The following CAMTA1 variants were observed in gnomAD, a reference collection of about 807,000 sequenced individuals.
CAMTA1 encodes the protein calmodulin-binding transcription activator 1.
In CAMTA1, 27 loss-of-function variants were observed where a neutral mutation model predicts 170.9. That is an observed-to-expected ratio of 0.16 (90% CI 0.12 to 0.22). The LOEUF (loss-of-function observed/expected upper bound fraction) is 0.22, where lower values mean the gene tolerates loss of function less well. CAMTA1 is among the 10% of genes least tolerant of loss of function. The pLI is 1.00. For synonymous variants in CAMTA1, 833 were observed against 891.5 expected, an observed-to-expected ratio of 0.93 and a Z score of 1.17; for missense variants, 1,619 against 2,217.2, an observed-to-expected ratio of 0.73 and a Z score of 5.42.
At chr1:7,140,945 ACT>A (rs1425108034) in intron 4 of CAMTA1, among the ~76,000 whole-genome samples, 2 of 152,058 alleles carry the variant, frequency 1.3e-5, no homozygotes, top group African/African-American at 4.8e-5. Context: ...AACCATCCCC[ACT>A]CTCTGCTACC....
chr1:7,655,925 C>T (rs553778450), intron 7 of CAMTA1, among the ~76,000 whole-genome samples: 56 of 152,304 alleles, frequency 3.7e-4, no homozygotes, highest in African/African-American at 1.3e-3. Flanking sequence ...CTCCGAAACT[C>T]ATGTTGAAAT....
chr1:7,638,220 A>G (rs1031961309), intron 6 of CAMTA1, among the ~76,000 whole-genome samples: 6 of 152,144 alleles, frequency 3.9e-5, no homozygotes, highest in Non-Finnish European at 5.9e-5. Flanking sequence ...AGCTGGGGAA[A>G]GCAGAGGGGA....
intron 5 of CAMTA1, among the ~76,000 whole-genome samples, chr1:7,464,483 A>G (rs2093165165): frequency 6.6e-6 from 1 of 152,212 alleles, no homozygotes. Context: ...TTGGCTTGGT[A>G]ATGACCTTGT....
At chr1:7,310,647 T>TCTTTCTTTTCTTTC (rs61161982) in intron 5 of CAMTA1, among the ~76,000 whole-genome samples, 6 of 49,180 alleles carry the variant, frequency 1.2e-4, no homozygotes, top group African/African-American at 4.8e-4. Context: ...TTTCTTTCTT[T>TCTTTCTTTTCTTTC]TTTCTTTCTT....
intron 1 of CAMTA1, among the ~76,000 whole-genome samples, chr1:6,798,122 A>G (rs922824903): frequency 4.9e-4 from 74 of 151,640 alleles, no homozygotes; most frequent in Admixed American, 4.5e-3. Context: ...TCGCCCCCCA[A>G]GTAGCTAGGA....
chr1:7,133,903 A>G (rs1645399390), intron 4 of CAMTA1, among the ~76,000 whole-genome samples: 1 of 152,220 alleles, frequency 6.6e-6, no homozygotes, highest in Non-Finnish European at 1.5e-5. Context: ...TTTTAAAATA[A>G]TGTCAACTCT....
In CAMTA1 at chr1:7,681,883, G is replaced by A. The variant is rs1273948500; in HGVS notation, c.2914+4150G>A. Among the ~76,000 whole-genome samples the A allele has an allele frequency of 6.6e-6, 1 of 152,202 alleles. No homozygotes were observed. Among genetic ancestry groups the A allele is most frequent in the African/African-American group, 2.4e-5 (1 of 41,438 alleles). On this transcript the variant is annotated intron_variant, in intron 11 of 22. Transcript: ENST00000303635. The surrounding 1 kb of genome is among the most constrained non-coding windows in gnomAD (Gnocchi z 4.6). The stretch of plus-strand genomic sequence containing the variant: ...ACTGGGACACCTTTAAGTGACCTGG[G>A]TCCCTAGAAGAGAAGGTGAGCGGAA...
At chr1:7,264,239 G>A (rs917473567) in intron 5 of CAMTA1, among the ~76,000 whole-genome samples, 9 of 152,222 alleles carry the variant, frequency 5.9e-5, no homozygotes, top group Admixed American at 5.9e-4. Context: ...TGCATTGATA[G>A]CAAGTCCCTG....
At chr1:7,231,536 C>A (rs1245593933) in intron 4 of CAMTA1, among the ~76,000 whole-genome samples, 1 of 152,100 alleles carries the variant, frequency 6.6e-6, no homozygotes, top group East Asian at 1.9e-4. Context: ...CCATGCCTGG[C>A]TAATTTTTGT....
At chr1:7,347,233 C>T (rs2084289275) in intron 5 of CAMTA1, among the ~76,000 whole-genome samples, 1 of 152,212 alleles carries the variant, frequency 6.6e-6, no homozygotes, top group African/African-American at 2.4e-5. Flanking sequence ...CCCACTTCGT[C>T]TTTCCACAAT....
Position 7,745,948 on chromosome 1 carries a change from G to T in CAMTA1, c.4474G>T (p.Ala1492Ser), listed in dbSNP as rs777144009. The change falls in exon 18 of 23, where the codon GCC becomes TCC. Residue 1492 changes from alanine to serine, a missense_variant. Around this residue, in one of 8 missense-constraint regions of CAMTA1, gnomAD observed 370 missense variants for 429.4 expected, o/e 0.86. Transcript: ENST00000303635. ...IAFEKPNLPS[A>S]ADWSEFLSAS... ...TTTCGAGAAACCTAACCTTCCCTCC[G>T]CCGCGGATTGGTCAGAATTCCTGAG... 6.2e-7 allele frequency: 1 copy of T among 1,614,094 alleles called. No homozygotes were observed. Among genetic ancestry groups the T allele is most frequent in the East Asian group, 2.2e-5 (1 of 44,880 alleles).
chr1:6,933,714 T>C (rs937762540), intron 3 of CAMTA1, among the ~76,000 whole-genome samples: 4 of 152,148 alleles, frequency 2.6e-5, no homozygotes, highest in African/African-American at 9.7e-5. Flanking sequence ...CAGCACTATT[T>C]GTGGAAAAGA....
chr1:7,392,149 C>G (rs914984497), intron 5 of CAMTA1, among the ~76,000 whole-genome samples: 4 of 152,096 alleles, frequency 2.6e-5, no homozygotes, highest in African/African-American at 9.7e-5. Flanking sequence ...GTTGGCTGGG[C>G]ACTGTGGCTC....
intron 3 of CAMTA1, among the ~76,000 whole-genome samples, chr1:6,863,531 A>G (rs1279480698): frequency 6.6e-6 from 1 of 152,220 alleles, no homozygotes; most frequent in Non-Finnish European, 1.5e-5. Context: ...TGTCTGAGAT[A>G]GAGCTTCATG....
intron 6 of CAMTA1, among the ~76,000 whole-genome samples, chr1:7,479,983 GAATGTA>G (rs1372579468): frequency 6.6e-5 from 10 of 152,174 alleles, no homozygotes; most frequent in African/African-American, 2.4e-4. Context: ...GTATATATGT[GAATGTA>G]TGTGCATGTG....
At chr1:7,337,687 G>A (rs887307389) in intron 5 of CAMTA1, among the ~76,000 whole-genome samples, 4 of 147,324 alleles carry the variant, frequency 2.7e-5, no homozygotes, top group African/African-American at 7.6e-5. Flanking sequence ...TGGGCGGTGG[G>A]CCTCATCCAG....
At chr1:7,117,821 A>G (rs930853772) in intron 4 of CAMTA1, among the ~76,000 whole-genome samples, 1 of 151,676 alleles carries the variant, frequency 6.6e-6, no homozygotes, top group African/African-American at 2.4e-5. Flanking sequence ...GGGATGGCGG[A>G]CTCTCTCGCT....
At position 7,149,036 on chromosome 1, in the gene CAMTA1, C is replaced by T. The variant is rs201846911; in HGVS notation, c.302+57665C>T. ...GCCCTGTGGGCACATTCCCGAGGTA[C>T]GGGGGCCTGGTGTTTCCACAATCAT... is the stretch of plus-strand genomic sequence containing the variant. On this transcript the variant is annotated intron_variant, in intron 4 of 22. Coordinates refer to ENST00000303635, the MANE Select transcript of CAMTA1 (RefSeq NM_015215.4). Among the ~76,000 whole-genome samples, 16 of 151,700 alleles carry T rather than the reference C, an allele frequency of 1.1e-4. No individual in the cohort carries two copies. The East Asian group carries it at 2.3e-3, about 22-fold the overall frequency.
At chr1:7,473,100 T>A (rs1410475953) in intron 6 of CAMTA1, among the ~76,000 whole-genome samples, 1 of 152,154 alleles carries the variant, frequency 6.6e-6, no homozygotes, top group Non-Finnish European at 1.5e-5. Context: ...TCAGTGGGCC[T>A]TCCATCCCCA....
Sources: allele counts gnomAD v4.1 joint callset (sites outside exome capture counted in the v4.1 genomes callset), GRCh38; gene constraint gnomAD v4.1.1; regional missense constraint gnomAD v4.1.1; non-coding constraint Gnocchi (gnomAD v3.1); transcripts MANE v1.5; gene names NCBI Gene and HGNC (gene_info 2026-07-23, HGNC 2026-07-21).